The following TENM3 variants were observed in gnomAD, a reference collection of about 807,000 sequenced individuals.
TENM3 encodes the protein teneurin-3.
A neutral mutation model predicts 255.1 loss-of-function variants in TENM3; 63 were observed. The ratio of observed to expected loss-of-function variants is 0.25; its 90% CI spans 0.20 to 0.30. The LOEUF (loss-of-function observed/expected upper bound fraction) is 0.30, where lower values mean the gene tolerates loss of function less well. TENM3 is among the 10% of genes least tolerant of loss of function. TENM3 has a pLI of 1.00. For missense variants in TENM3, 2,929 were observed against 3,461.1 expected, an observed-to-expected ratio of 0.85 and a Z score of 3.86; for synonymous variants, 1,306 against 1,322.3, an observed-to-expected ratio of 0.99 and a Z score of 0.27.
At chr4:182,514,609 A>T (rs58555044) in intron 3 of TENM3, among the ~76,000 whole-genome samples, 11,653 of 152,174 alleles carry the variant, frequency 0.077, 505 homozygotes, top group East Asian at 0.11. Flanking sequence ...CGCCTTTCTT[A>T]GTGTGATGTA....
the TENM3 span, among the ~76,000 whole-genome samples, chr4:181,513,944 A>G: frequency 1.3e-5 from 2 of 152,232 alleles, no homozygotes; most frequent in Non-Finnish European, 2.9e-5. Flanking sequence ...AGAGAAGCAA[A>G]GCTGACTTTT....
the TENM3 span, among the ~76,000 whole-genome samples, chr4:181,750,460 G>C: frequency 1.3e-5 from 2 of 152,096 alleles, no homozygotes; most frequent in African/African-American, 4.8e-5. Flanking sequence ...TCTGGTTTCT[G>C]TTTAGCTGAA....
At chr4:181,725,897 T>G in the TENM3 span, among the ~76,000 whole-genome samples, 1 of 152,136 alleles carries the variant, frequency 6.6e-6, no homozygotes, top group Non-Finnish European at 1.5e-5. Flanking sequence ...GTAACGACAC[T>G]TTAGGGAAAA....
At chr4:181,857,987 A>C in the TENM3 span, among the ~76,000 whole-genome samples, 1 of 152,230 alleles carries the variant, frequency 6.6e-6, no homozygotes, top group East Asian at 1.9e-4. Context: ...CTTACAGCCA[A>C]AACTGGACCC....
chr4:182,204,063 T>A (rs1754383444), intron 1 of TENM3, among the ~76,000 whole-genome samples: 1 of 152,092 alleles, frequency 6.6e-6, no homozygotes, highest in African/African-American at 2.4e-5. Flanking sequence ...GAGGGCTGGA[T>A]AATGAAGGGG....
chr4:181,766,980 C>T, the TENM3 span, among the ~76,000 whole-genome samples: 7 of 151,590 alleles, frequency 4.6e-5, no homozygotes, highest in South Asian at 2.1e-4. Context: ...AGGCCGGGCG[C>T]AGTGGCTCAC....
the TENM3 span, among the ~76,000 whole-genome samples, chr4:182,128,924 CT>C: frequency 7.8e-6 from 1 of 128,080 alleles, no homozygotes; most frequent in South Asian, 2.5e-4. Context: ...ATGTAATAGA[CT>C]TTTTTCTCTC....
intron 6 of TENM3, among the ~76,000 whole-genome samples, chr4:182,666,382 T>C (rs937434555): frequency 6.6e-6 from 1 of 152,190 alleles, no homozygotes; most frequent in African/African-American, 2.4e-5. Context: ...CAGAGAAACC[T>C]TTCATGAAAA....
At chr4:181,805,044 C>T in the TENM3 span, among the ~76,000 whole-genome samples, 1 of 152,090 alleles carries the variant, frequency 6.6e-6, no homozygotes, top group Non-Finnish European at 1.5e-5. Flanking sequence ...CCCCTGCTGC[C>T]GTCATACAGC....
chr4:182,390,335 G>C (rs987020201), intron 3 of TENM3, among the ~76,000 whole-genome samples: 2 of 152,146 alleles, frequency 1.3e-5, no homozygotes, highest in Middle Eastern at 3.2e-3. Flanking sequence ...ATGCTGTTGA[G>C]TCACAGAACA....
chr4:181,529,116 C>G, the TENM3 span, among the ~76,000 whole-genome samples: 5 of 152,186 alleles, frequency 3.3e-5, no homozygotes, highest in Non-Finnish European at 7.3e-5. Flanking sequence ...GTTAAAACAT[C>G]TTGCCCAATG....
intron 1 of TENM3, among the ~76,000 whole-genome samples, chr4:182,163,510 T>G (rs1379304711): frequency 6.6e-6 from 1 of 152,218 alleles, no homozygotes; most frequent in Non-Finnish European, 1.5e-5. Flanking sequence ...TGTCCTTGAT[T>G]TGCTCAGTAG....
At chr4:182,435,439 C>T (rs913897731) in intron 3 of TENM3, among the ~76,000 whole-genome samples, 2 of 152,120 alleles carry the variant, frequency 1.3e-5, no homozygotes, top group African/African-American at 4.8e-5. Flanking sequence ...TGATTCCCAA[C>T]AAGCCAACAA....
intron 1 of TENM3, among the ~76,000 whole-genome samples, chr4:182,309,930 A>C (rs1762344578): frequency 1.3e-5 from 2 of 152,302 alleles, no homozygotes; most frequent in South Asian, 2.1e-4. Flanking sequence ...ATGCCCTAAA[A>C]AACTTTATCT....
chr4:182,059,003 T>C, the TENM3 span, among the ~76,000 whole-genome samples: 1 of 147,382 alleles, frequency 6.8e-6, no homozygotes, highest in Non-Finnish European at 1.5e-5. Flanking sequence ...TAGAGTTGAC[T>C]AAGCAGAAAG....
At chr4:181,888,494 G>GTATA in the TENM3 span, among the ~76,000 whole-genome samples, 1,853 of 27,922 alleles carry the variant, frequency 0.066, 102 homozygotes, top group African/African-American at 0.11. Flanking sequence ...ATAGAAATGT[G>GTATA]TATATATATA....
intron 3 of TENM3, among the ~76,000 whole-genome samples, chr4:182,415,434 G>C (rs571803298): frequency 6.6e-6 from 1 of 152,250 alleles, no homozygotes; most frequent in East Asian, 1.9e-4. Context: ...TTGGAAAGAG[G>C]TAATATACAT....
chr4:182,512,777 C>T (rs1289687038), intron 3 of TENM3, among the ~76,000 whole-genome samples: 4 of 152,138 alleles, frequency 2.6e-5, no homozygotes, highest in Non-Finnish European at 5.9e-5. Flanking sequence ...GCCTCCCTCT[C>T]CTAATGTGTA....
chr4:182,122,618 C>G, the TENM3 span, among the ~76,000 whole-genome samples: 1 of 152,150 alleles, frequency 6.6e-6, no homozygotes, highest in African/African-American at 2.4e-5. Context: ...ATGGTGTAAA[C>G]AGATGTGCTG....
Sources: gnomAD v4.1 joint callset for allele counts (sites outside exome capture counted in the v4.1 genomes callset) on GRCh38, gnomAD v4.1.1 for gene constraint, MANE v1.5 for transcripts, NCBI Gene and HGNC (gene_info 2026-07-23, HGNC 2026-07-21) for gene names.